The following OSBPL9 variants were observed in gnomAD, a reference collection of about 807,000 sequenced individuals.
OSBPL9 encodes the protein oxysterol-binding protein-related protein 9.
A neutral mutation model predicts 106.6 loss-of-function variants in OSBPL9; 40 were observed. The ratio of observed to expected loss-of-function variants is 0.38; its 90% CI spans 0.29 to 0.49. The LOEUF (loss-of-function observed/expected upper bound fraction) is 0.49, where lower values mean the gene tolerates loss of function less well. OSBPL9 is among the 20% of genes least tolerant of loss of function. OSBPL9 has a pLI of 0.97. For missense variants in OSBPL9, 609 were observed against 887.2 expected (o/e 0.69, Z 3.98); for synonymous variants, 269 against 295.4 (o/e 0.91, Z 0.92).
At chr1:51,567,496 C>T in the OSBPL9 span, 4 of 152,244 alleles carry the variant, frequency 2.6e-5, no homozygotes, top group Non-Finnish European at 4.4e-5. Flanking sequence ...CCCCCATCCT[C>T]TCCCATGTCT....
chr1:51,546,696 C>CAA, the OSBPL9 span, among the ~76,000 whole-genome samples: 15 of 103,342 alleles, frequency 1.5e-4, no homozygotes, highest in Non-Finnish European at 2.8e-4. Flanking sequence ...GACTCTGTCT[C>CAA]AAAAAAAAAA....
the OSBPL9 span, among the ~76,000 whole-genome samples, chr1:51,525,827 G>C: frequency 9.9e-5 from 15 of 152,278 alleles, no homozygotes; most frequent in South Asian, 1.4e-3. Flanking sequence ...ATGGCTCACT[G>C]TAGCTTTGAA....
intron 12 of OSBPL9, among the ~76,000 whole-genome samples, chr1:51,767,210 A>C (rs1672742999): frequency 6.6e-6 from 1 of 151,972 alleles, no homozygotes; most frequent in African/African-American, 2.4e-5. Context: ...CTTGGGCAAC[A>C]TGGTAAAACC....
intron 2 of OSBPL9, among the ~76,000 whole-genome samples, chr1:51,611,212 T>C (rs1643984872): frequency 6.6e-6 from 1 of 152,006 alleles, no homozygotes; most frequent in Non-Finnish European, 1.5e-5. Context: ...ACTTGATGTT[T>C]CACTTTCTTG....
chr1:51,786,309 G>A, intron 21 of OSBPL9: 1 of 493,964 alleles, frequency 2.0e-6, no homozygotes. Context: ...ATACCAAAAT[G>A]AGTTAAGATA....
chr1:51,590,919 T>G (rs1351858910), intron 1 of OSBPL9, among the ~76,000 whole-genome samples: 1 of 145,694 alleles, frequency 6.9e-6, no homozygotes, highest in Non-Finnish European at 1.5e-5. Flanking sequence ...CTGGCTAATT[T>G]TTTTTTTTTT....
Position 51,665,620 on chromosome 1 carries a change from G to GAGACC in OSBPL9, c.163-3810_163-3806dup, listed in dbSNP as rs374582457. Among the ~76,000 whole-genome samples the GAGACC allele has an allele frequency of 2.3e-3, 348 of 152,266 alleles. 3 individuals carry two copies. Among genetic ancestry groups the GAGACC allele is most frequent in the African/African-American group, 8.2e-3 (340 of 41,540 alleles). ...GTAATTCAACAAATCAAGACACTGA[G>GAGACC]AGACCAGAGCATCAGATCAATTGTG... On this transcript the variant is annotated intron_variant, in intron 2 of 23. Coordinates refer to ENST00000428468, the MANE Select transcript of OSBPL9 (RefSeq NM_024586.6).
chr1:51,591,202 G>A (rs771521720), intron 1 of OSBPL9, among the ~76,000 whole-genome samples: 2 of 151,050 alleles, frequency 1.3e-5, no homozygotes, highest in African/African-American at 4.9e-5. Context: ...ACAGGCGTGA[G>A]CCACCGTGCC....
intron 3 of OSBPL9, chr1:51,707,218 TG>T: frequency 2.9e-6 from 1 of 349,130 alleles, no homozygotes; most frequent in South Asian, 2.3e-5. Context: ...TACCAGGAAT[TG>T]AGCCTGACAA....
chr1:51,695,020 C>T lies in OSBPL9; in HGVS notation c.242-18983C>T, dbSNP rs142346121. Among the ~76,000 whole-genome samples the T allele has an allele frequency of 2.0e-4, 30 of 152,260 alleles. 1 individual carries two copies. In the East Asian group the frequency reaches 3.7e-3, roughly 19 times the overall value. On this transcript the variant is annotated intron_variant, in intron 3 of 23. Coordinates refer to ENST00000428468, the MANE Select transcript of OSBPL9 (RefSeq NM_024586.6). ...AATGATATTCTGTTAACAAAGTGCC[C>T]ATTAGTTCCCAACTCAGACATTTGC...
chr1:51,623,915 A>G (rs1436507450), intron 1 of OSBPL9, among the ~76,000 whole-genome samples: 1 of 151,804 alleles, frequency 6.6e-6, no homozygotes, highest in Non-Finnish European at 1.5e-5. Context: ...TATTGAGCTT[A>G]TATATGGTAC....
intron 8 of OSBPL9, among the ~76,000 whole-genome samples, chr1:51,750,978 T>G (rs1669107268): frequency 1.3e-5 from 2 of 152,232 alleles, no homozygotes. Flanking sequence ...TTTAACCTAC[T>G]GTTGTTAATG....
At chr1:51,617,500 C>G (rs1281514225) in intron 1 of OSBPL9, among the ~76,000 whole-genome samples, 1 of 151,998 alleles carries the variant, frequency 6.6e-6, no homozygotes, top group African/African-American at 2.4e-5. Context: ...GTAGTGGGGT[C>G]CAGCATGGTT....
intron 2 of OSBPL9, among the ~76,000 whole-genome samples, chr1:51,653,080 C>T (rs1404542817): frequency 6.6e-6 from 1 of 152,084 alleles, no homozygotes; most frequent in Non-Finnish European, 1.5e-5. Context: ...AATCCTGGCA[C>T]TGAGATAGGA....
At chr1:51,717,391 A>G (rs1475835636) in intron 4 of OSBPL9, among the ~76,000 whole-genome samples, 2 of 152,244 alleles carry the variant, frequency 1.3e-5, no homozygotes, top group Admixed American at 6.5e-5. Flanking sequence ...CTTTGACAAC[A>G]GTTTTCTTTT....
chr1:51,562,988 C>T, the OSBPL9 span, among the ~76,000 whole-genome samples: 238 of 152,196 alleles, frequency 1.6e-3, no homozygotes, highest in African/African-American at 5.6e-3. Flanking sequence ...GCAGGCGGAT[C>T]GCTTGAGGTC....
chr1:51,658,942 T>A (rs1322372417), intron 2 of OSBPL9, among the ~76,000 whole-genome samples: 1 of 152,110 alleles, frequency 6.6e-6, no homozygotes, highest in East Asian at 1.9e-4. Context: ...CTTTCTCTTC[T>A]CTATGAATTT....
At chr1:51,549,282 T>C in the OSBPL9 span, among the ~76,000 whole-genome samples, 1 of 152,330 alleles carries the variant, frequency 6.6e-6, no homozygotes, top group South Asian at 2.1e-4. Flanking sequence ...GTTTTTAACC[T>C]TCCCCCAAAG....
chr1:51,690,699 A>G (rs1654774241), intron 3 of OSBPL9, among the ~76,000 whole-genome samples: 1 of 152,228 alleles, frequency 6.6e-6, no homozygotes, highest in South Asian at 2.1e-4. Flanking sequence ...GGATACATCA[A>G]TATATAAAAC....
Sources: allele counts gnomAD v4.1 joint callset (sites outside exome capture counted in the v4.1 genomes callset), GRCh38; gene constraint gnomAD v4.1.1; transcripts MANE v1.5; gene names NCBI Gene and HGNC (gene_info 2026-07-23, HGNC 2026-07-21).